Variants in MYOCD observed in about 807,000 individuals in gnomAD.
The protein encoded by MYOCD is myocardin.
Under a neutral mutation model 96.1 loss-of-function variants are expected in MYOCD, and 32 were observed. That is an observed-to-expected ratio of 0.33 (90% confidence interval 0.25 to 0.45). The LOEUF (loss-of-function observed/expected upper bound fraction) is 0.45. Among genes scored for constraint, MYOCD ranks in the 20% least tolerant of loss-of-function variants. The probability of loss-of-function intolerance (pLI) is 1.00; values close to 1 mark genes in which losing one functional copy is unlikely to be tolerated. For synonymous variants in MYOCD, 469 were observed against 469.0 expected (o/e 1.00, Z 0.00); for missense variants, 1,133 against 1,200.6 (o/e 0.94, Z 0.83).
Position 12,765,143 on chromosome 17 carries a change from C to T in MYOCD, c.*1499C>T, listed in dbSNP as rs1288200049. 1.3e-5 allele frequency: 2 copies of T among 152,032 alleles called. No homozygotes were observed. Among genetic ancestry groups the T allele is most frequent in the Non-Finnish European group, 2.9e-5 (2 of 68,010 alleles). 9.4% of individuals were successfully genotyped at this position (152,032 alleles called of 1,614,324 possible). A position where few individuals can be genotyped will look rare whatever the true frequency, so the allele number is the denominator to read the frequency against. On this transcript the variant is annotated 3_prime_UTR_variant, in exon 14 of 14. Transcript: ENST00000425538. ...TGGTCTAATGTGCATTCCTCATTAC[C>T]TCTCGTGGCTTTGGCTGGGAGTTGG...
chr17:12,701,917 C>G (rs2031093059), intron 1 of MYOCD, among the ~76,000 whole-genome samples: 1 of 151,976 alleles, frequency 6.6e-6, no homozygotes, highest in Non-Finnish European at 1.5e-5. Flanking sequence ...AAAACATACT[C>G]TATATGAGAG....
At chr17:12,727,575 T>C (rs1186252348) in intron 5 of MYOCD, among the ~76,000 whole-genome samples, 1 of 152,172 alleles carries the variant, frequency 6.6e-6, no homozygotes, top group African/African-American at 2.4e-5. Flanking sequence ...TTTCCAGATG[T>C]GTTTACATTT....
At chr17:12,755,679 C>T (rs148347637) in intron 10 of MYOCD, among the ~76,000 whole-genome samples, 4,404 of 152,252 alleles carry the variant, frequency 0.029, 90 homozygotes, top group Middle Eastern at 0.044. Flanking sequence ...AGAGACCAGC[C>T]TGGCCAATAT....
intron 2 of MYOCD, among the ~76,000 whole-genome samples, chr17:12,714,457 A>G (rs1179974784): frequency 4.6e-5 from 7 of 152,034 alleles, no homozygotes; most frequent in Admixed American, 4.6e-4. Context: ...TTCTAGTAAC[A>G]TTGGAACTCG....
chr17:12,763,658 C>G lies in MYOCD; in HGVS notation c.*14C>G, dbSNP rs2033254474. 6.3e-7 allele frequency: 1 copy of G among 1,595,454 alleles called. No homozygotes were observed. Among genetic ancestry groups the G allele is most frequent in the Non-Finnish European group, 8.5e-7 (1 of 1,169,706 alleles). On this transcript the variant is annotated 3_prime_UTR_variant, in exon 14 of 14. Transcript: ENST00000425538. ...CAGCAGTGGTAGAATGCCCAATGCA[C>G]CAGTGCTATGGAAGACCAATGGAGT...
At chr17:12,743,486 C>CTTTTTTTTTTTTT (rs373893604) in intron 7 of MYOCD, among the ~76,000 whole-genome samples, 1 of 98,338 alleles carries the variant, frequency 1.0e-5, no homozygotes, top group African/African-American at 4.0e-5. Flanking sequence ...TATGAAAGTT[C>CTTTTTTTTTTTTT]TTTTTTTTTT....
chr17:12,758,997 G>A lies in MYOCD; in HGVS notation c.2331+784G>A, dbSNP rs142602295. 6.6e-3 allele frequency among the ~76,000 whole-genome samples: 1,005 copies of A among 151,966 alleles called. 7 individuals carry two copies. Among genetic ancestry groups the A allele is most frequent in the African/African-American group, 0.023 (955 of 41,432 alleles). On this transcript the variant is annotated intron_variant, in intron 12 of 13. Transcript: ENST00000425538. ...CTGGGAGGTGGAGTTGCAGTGAGCCGAGTTTGTAGCACTGTACTCCAGCCC... is the reference window on the plus strand; with the variant it reads ...CTGGGAGGTGGAGTTGCAGTGAGCCAAGTTTGTAGCACTGTACTCCAGCCC...
intron 1 of MYOCD, among the ~76,000 whole-genome samples, chr17:12,669,898 T>C (rs1247025925): frequency 6.6e-6 from 1 of 152,070 alleles, no homozygotes; most frequent in Non-Finnish European, 1.5e-5. Flanking sequence ...CCATCCAATA[T>C]CCTATCAAGC....
intron 7 of MYOCD, 78 bp from the exon 8 acceptor site, chr17:12,744,104 GC>G (rs780935440): frequency 8.3e-5 from 126 of 1,523,838 alleles, no homozygotes; most frequent in Non-Finnish European, 1.1e-4. Context: ...AGACAAAACT[GC>G]CTCACAACGT....
intron 9 of MYOCD, among the ~76,000 whole-genome samples, chr17:12,749,707 G>GTGTATATACATATA (rs2032783009): frequency 7.4e-6 from 1 of 135,740 alleles, no homozygotes; most frequent in African/African-American, 2.8e-5. Context: ...GTATACATAT[G>GTGTATATACATATA]TGTATATATA....
intron 7 of MYOCD, 102 bp from the exon 8 acceptor site, chr17:12,744,081 A>G: frequency 7.2e-7 from 1 of 1,380,928 alleles, no homozygotes; most frequent in Non-Finnish European, 9.9e-7. Flanking sequence ...TCTGAGATCC[A>G]AGAATGGCCA....
chr17:12,768,129 A>C lies in MYOCD; in HGVS notation c.*4485A>C, dbSNP rs1007933493. 1 of 152,178 alleles carries C rather than the reference A, an allele frequency of 6.6e-6. No individual in the cohort carries two copies. Among genetic ancestry groups the C allele is most frequent in the South Asian group, 2.1e-4 (1 of 4,822 alleles). 9.4% of individuals were successfully genotyped at this position (152,178 alleles called of 1,614,324 possible). On this transcript the variant is annotated 3_prime_UTR_variant, in exon 14 of 14. Transcript: ENST00000425538. ...AAATTTGTAGGTTGGTTCAGGGTCA[A>C]AATTGCCAGTGCTTTATTAGACAGA...
chr17:12,722,359 T>A (rs896409818), intron 4 of MYOCD, among the ~76,000 whole-genome samples: 1 of 152,118 alleles, frequency 6.6e-6, no homozygotes, highest in African/African-American at 2.4e-5. Flanking sequence ...TTCAATGGAA[T>A]TTTTTTTCTT....
chr17:12,752,158 A>AC (rs2032870148), intron 9 of MYOCD, among the ~76,000 whole-genome samples: 1 of 152,218 alleles, frequency 6.6e-6, no homozygotes, highest in South Asian at 2.1e-4. Context: ...GATGACTTCT[A>AC]CCATTCATTC....
rs1182615618 is a variant in MYOCD, at chr17:12,665,934, C to G, written c.-255C>G. The G allele has an allele frequency of 3.8e-6, 2 of 520,460 alleles. No individual in the cohort carries two copies. The highest frequency in any genetic ancestry group is 1.9e-5 in the African/African-American group (1 of 51,864). The allele number at this position is 520,460 out of a possible 1,614,324, so 32.2% of individuals were successfully genotyped here. ...CATCAGACAGGAACGCCTGGGATGC[C>G]GCGCTGCTCCTGGCCAACCTCCGAG... On this transcript the variant is annotated 5_prime_UTR_variant, in exon 1 of 14. Coordinates refer to ENST00000425538, the MANE Select transcript of MYOCD (RefSeq NM_001146312.3). This position sits in a 1 kb window ranked among gnomAD's most constrained non-coding sequence, Gnocchi z 4.2.
At position 12,673,434 on chromosome 17, in the gene MYOCD, G is replaced by A. The variant is rs539418520; in HGVS notation, c.55+7191G>A. On this transcript the variant is annotated intron_variant, in intron 1 of 13. Coordinates refer to ENST00000425538, the MANE Select transcript of MYOCD (RefSeq NM_001146312.3). The stretch of plus-strand genomic sequence containing the variant: ...TAAGTTTATACTCAGCCTTTTTATC[G>A]TTAGTATAATAGCATAAATATTTTT... 3.4e-4 allele frequency among the ~76,000 whole-genome samples: 52 copies of A among 152,052 alleles called. 1 individual carries two copies. The highest frequency in any genetic ancestry group is 6.8e-4 in the Non-Finnish European group (46 of 67,982).
At chr17:12,698,729 C>CTT (rs55758881) in intron 1 of MYOCD, among the ~76,000 whole-genome samples, 688 of 64,158 alleles carry the variant, frequency 0.011, 126 homozygotes, top group Middle Eastern at 0.016. Flanking sequence ...ACCAGACCCT[C>CTT]TTTTTTTTTT....
intron 1 of MYOCD, among the ~76,000 whole-genome samples, chr17:12,682,649 G>C (rs1176539282): frequency 6.6e-6 from 1 of 152,160 alleles, no homozygotes; most frequent in Non-Finnish European, 1.5e-5. Context: ...CATATGGAGA[G>C]GATGCATCAT....
At chr17:12,709,472 C>G (rs561743131) in intron 2 of MYOCD, among the ~76,000 whole-genome samples, 1 of 152,328 alleles carries the variant, frequency 6.6e-6, no homozygotes, top group East Asian at 1.9e-4. Context: ...AGCACAGAAT[C>G]ACTGGAACAA....
Sources: gnomAD v4.1 joint callset for allele counts (sites outside exome capture counted in the v4.1 genomes callset) on GRCh38, gnomAD v4.1.1 for gene constraint, Gnocchi (gnomAD v3.1) non-coding constraint, MANE v1.5 for transcripts, NCBI Gene and HGNC (gene_info 2026-07-23, HGNC 2026-07-21) for gene names.